Variants in SYT1 observed in about 807,000 individuals in gnomAD.
The protein encoded by SYT1 is synaptotagmin 1, also known as synaptotagmin-1.
SYT1 carries 8 observed loss-of-function variants against 44.8 expected under a neutral mutation model. That is an observed-to-expected ratio of 0.18 (90% confidence interval 0.10 to 0.32). The LOEUF (loss-of-function observed/expected upper bound fraction) is 0.32. SYT1 is among the 10% of genes least tolerant of loss of function. The pLI is 1.00. For synonymous variants in SYT1, 154 were observed against 188.8 expected (o/e 0.82, Z 1.51); for missense variants, 286 against 509.3 (o/e 0.56, Z 4.22).
chr12:79,039,622 T>TA (rs1873386866), intron 2 of SYT1, among the ~76,000 whole-genome samples: 1 of 151,650 alleles, frequency 6.6e-6, no homozygotes, highest in South Asian at 2.1e-4. Flanking sequence ...ATTTTTATTT[T>TA]TTTATTTTTT....
chr12:79,028,835 T>C (rs896989714), intron 2 of SYT1, among the ~76,000 whole-genome samples: 1 of 151,292 alleles, frequency 6.6e-6, no homozygotes, highest in African/African-American at 2.4e-5. Flanking sequence ...AAAACTTCAC[T>C]TTACCCATGA....
intron 1 of SYT1, among the ~76,000 whole-genome samples, chr12:78,931,818 T>C (rs573202621): frequency 1.3e-5 from 2 of 152,292 alleles, no homozygotes; most frequent in Admixed American, 1.3e-4. Context: ...GTCATGCAGA[T>C]GGCTTCTCTA....
intron 3 of SYT1, among the ~76,000 whole-genome samples, chr12:79,155,976 T>G (rs1870569172): frequency 6.6e-6 from 1 of 152,220 alleles, no homozygotes; most frequent in Non-Finnish European, 1.5e-5. Context: ...TACTAAATCA[T>G]GTACTCAGTC....
At chr12:79,375,630 C>T (rs989502612) in intron 9 of SYT1, among the ~76,000 whole-genome samples, 3 of 152,212 alleles carry the variant, frequency 2.0e-5, no homozygotes, top group African/African-American at 7.2e-5. Flanking sequence ...TCAGTTCCAT[C>T]ATCTGAAAAC....
Position 79,299,479 on chromosome 12 carries a change from C to A in SYT1, c.738C>A (p.Val246=). The change falls in exon 8 of 11, where the codon GTC becomes GTA. Residue 246 remains valine (V), a synonymous_variant. Coordinates refer to ENST00000261205, the MANE Select transcript of SYT1 (RefSeq NM_005639.3). ...ATGACATCATTGGAGAATTTAAAGT[C>A]CCTATGAACACAGTGGATTTTGGCC... ...SKHDIIGEFK[V]PMNTVDFGHV... 6.2e-7 allele frequency: 1 copy of A among 1,613,544 alleles called. No individual in the cohort carries two copies. The highest frequency in any genetic ancestry group is 2.2e-5 in the East Asian group (1 of 44,866).
intron 1 of SYT1, among the ~76,000 whole-genome samples, chr12:78,898,987 A>G (rs1259159172): frequency 6.6e-6 from 1 of 152,082 alleles, no homozygotes; most frequent in Non-Finnish European, 1.5e-5. Context: ...TTATTCATTC[A>G]TCTCTTCAAT....
At chr12:79,002,971 G>A (rs1014692176) in intron 2 of SYT1, among the ~76,000 whole-genome samples, 2 of 151,958 alleles carry the variant, frequency 1.3e-5, no homozygotes, top group Non-Finnish European at 2.9e-5. Flanking sequence ...ACTATACAGA[G>A]TGCAGAAATC....
intron 1 of SYT1, among the ~76,000 whole-genome samples, chr12:78,880,518 A>G (rs1022035304): frequency 7.3e-5 from 11 of 151,368 alleles, no homozygotes; most frequent in Admixed American, 7.3e-4. Context: ...AGATTTTTAT[A>G]TTTTTTACTT....
At chr12:79,044,743 C>T (rs1446785289) in intron 2 of SYT1, among the ~76,000 whole-genome samples, 2 of 148,788 alleles carry the variant, frequency 1.3e-5, no homozygotes, top group Non-Finnish European at 3.0e-5. Context: ...TCTGTTTTTT[C>T]CCCATCTTTG....
chr12:78,966,583 A>G (rs1009648255), intron 1 of SYT1, among the ~76,000 whole-genome samples: 28 of 152,284 alleles, frequency 1.8e-4, no homozygotes, highest in African/African-American at 6.0e-4. Flanking sequence ...TATGGCAAAC[A>G]TTTCTTCCAT....
intron 1 of SYT1, among the ~76,000 whole-genome samples, chr12:78,935,936 A>C (rs1031676887): frequency 6.6e-6 from 1 of 152,164 alleles, no homozygotes; most frequent in African/African-American, 2.4e-5. Flanking sequence ...GGAAACCAGA[A>C]TTATGTTAGC....
chr12:79,018,028 A>G (rs1219300751), intron 2 of SYT1, among the ~76,000 whole-genome samples: 1 of 151,898 alleles, frequency 6.6e-6, no homozygotes, highest in Non-Finnish European at 1.5e-5. Flanking sequence ...ATCTAGGTTT[A>G]GGGCAAAAGA....
chr12:79,242,266 C>T (rs1040990976), intron 4 of SYT1, among the ~76,000 whole-genome samples: 9 of 152,158 alleles, frequency 5.9e-5, no homozygotes, highest in Non-Finnish European at 1.2e-4. Context: ...CATTGTCACC[C>T]ACCGCTCCTG....
intron 8 of SYT1, among the ~76,000 whole-genome samples, chr12:79,344,449 CT>C (rs1284895577): frequency 6.6e-6 from 1 of 152,032 alleles, no homozygotes; most frequent in Admixed American, 6.6e-5. Context: ...TTTACTGTCA[CT>C]TTTTGTTTGT....
chr12:79,309,146 C>T (rs1185163335), intron 8 of SYT1, among the ~76,000 whole-genome samples: 5 of 152,146 alleles, frequency 3.3e-5, no homozygotes, highest in African/African-American at 1.2e-4. Context: ...CAAGTGAGGC[C>T]TCAAATGAAC....
intron 2 of SYT1, among the ~76,000 whole-genome samples, chr12:79,037,149 G>A (rs1873188393): frequency 6.6e-6 from 1 of 151,794 alleles, no homozygotes; most frequent in Admixed American, 6.6e-5. Context: ...GCAGATTTCA[G>A]TTAGATGTGC....
intron 3 of SYT1, among the ~76,000 whole-genome samples, chr12:79,132,663 T>C (rs1360769258): frequency 1.5e-4 from 15 of 97,382 alleles, no homozygotes; most frequent in South Asian, 3.2e-4. Context: ...GTCAACAATA[T>C]GGAGTTTTCT....
intron 4 of SYT1, among the ~76,000 whole-genome samples, chr12:79,272,567 T>G (rs1394295526): frequency 6.6e-6 from 1 of 152,146 alleles, no homozygotes; most frequent in Non-Finnish European, 1.5e-5. Context: ...TTTGGAGAAC[T>G]GGTTTGGGAA....
intron 3 of SYT1, among the ~76,000 whole-genome samples, chr12:79,151,836 G>A (rs1398578748): frequency 5.3e-5 from 8 of 152,178 alleles, no homozygotes; most frequent in Admixed American, 4.6e-4. Flanking sequence ...TACGAGGGAT[G>A]TGCTGACGAG....
Sources: allele counts gnomAD v4.1 joint callset (sites outside exome capture counted in the v4.1 genomes callset), GRCh38; gene constraint gnomAD v4.1.1; transcripts MANE v1.5; gene names NCBI Gene and HGNC (gene_info 2026-07-23, HGNC 2026-07-21).